The following PALLD variants were observed in gnomAD, a reference collection of about 807,000 sequenced individuals.
PALLD encodes the protein palladin.
PALLD carries 61 observed loss-of-function variants against 123.5 expected under a neutral mutation model. The observed-to-expected ratio is 0.49, with a 90% CI of 0.40 to 0.61. The LOEUF is 0.61. Ranked by LOEUF, PALLD falls within the 20% of genes least tolerant of loss-of-function variation. The pLI, the probability that PALLD is intolerant of heterozygous loss-of-function variation, is 0.00. For synonymous variants in PALLD, 465 were observed against 496.4 expected, an observed-to-expected ratio of 0.94 and a Z score of 0.84; for missense variants, 1,273 against 1,377.0, an observed-to-expected ratio of 0.92 and a Z score of 1.20.
intron 20 of PALLD, 63 bp from the exon 21 acceptor site, chr4:168,925,170 A>C: frequency 6.3e-7 from 1 of 1,584,810 alleles, no homozygotes; most frequent in Non-Finnish European, 8.7e-7. Context: ...CTCTTTATAA[A>C]CAACTATTGT....
At chr4:168,507,261 T>C (rs1962364) in intron 1 of PALLD, 51,772 of 172,082 alleles carry the variant, frequency 0.3, 8,365 homozygotes, top group East Asian at 0.55. Context: ...CCTGTAACCC[T>C]GCCTCTGCAT....
chr4:168,683,818 T>C lies in PALLD; in HGVS notation c.1260+715T>C, dbSNP rs1214777553. ...ATTCCTAAGTAATGAGTATGTCTTA[T>C]AAGTATCACCATGTCCTCCCTCAGC... On this transcript the variant is annotated intron_variant, in intron 5 of 21. Transcript: ENST00000505667. Among the ~76,000 whole-genome samples, 6 of 152,192 alleles carry C rather than the reference T, an allele frequency of 3.9e-5. No individual in the cohort carries two copies. The East Asian group carries it at 9.6e-4, about 24-fold the overall frequency.
At chr4:168,553,484 G>A (rs1356206098) in intron 2 of PALLD, among the ~76,000 whole-genome samples, 1 of 152,184 alleles carries the variant, frequency 6.6e-6, no homozygotes, top group East Asian at 1.9e-4. Context: ...AGTGGATTCA[G>A]AAAAATTAAG....
chr4:168,595,352 C>G (rs1463960189), intron 2 of PALLD, among the ~76,000 whole-genome samples: 1 of 152,138 alleles, frequency 6.6e-6, no homozygotes, highest in Non-Finnish European at 1.5e-5. Flanking sequence ...CAGTGATCTA[C>G]TGAGATCTGT....
chr4:168,501,220 T>C (rs113914607), intron 1 of PALLD, among the ~76,000 whole-genome samples: 2,235 of 152,134 alleles, frequency 0.015, 34 homozygotes, highest in Middle Eastern at 0.051. Context: ...AAGACAATAC[T>C]GGGCAATGAA....
chr4:168,698,355 G>A (rs1006906717), intron 8 of PALLD, among the ~76,000 whole-genome samples: 2 of 151,738 alleles, frequency 1.3e-5, no homozygotes, highest in Admixed American at 1.3e-4. Flanking sequence ...CTATAAGAGT[G>A]TAATTGGATT....
intron 10 of PALLD, among the ~76,000 whole-genome samples, chr4:168,754,017 C>CAAATACTTTAAAAG (rs1731428480): frequency 6.6e-6 from 1 of 152,160 alleles, no homozygotes; most frequent in Admixed American, 6.5e-5. Flanking sequence ...TACAATAATA[C>CAAATACTTTAAAAG]AAATACTTTA....
At chr4:168,659,194 G>A (rs780460249) in intron 2 of PALLD, among the ~76,000 whole-genome samples, 85 of 152,314 alleles carry the variant, frequency 5.6e-4, no homozygotes, top group African/African-American at 1.9e-3. Flanking sequence ...CTTATCTTGG[G>A]CATCACTTTC....
chr4:168,893,878 C>T (rs1305998192), intron 11 of PALLD, among the ~76,000 whole-genome samples: 1 of 152,218 alleles, frequency 6.6e-6, no homozygotes, highest in Non-Finnish European at 1.5e-5. Flanking sequence ...TGGGTCAAGT[C>T]AATTGAGGCT....
chr4:168,559,691 G>T (rs182607356), intron 2 of PALLD, among the ~76,000 whole-genome samples: 1 of 152,142 alleles, frequency 6.6e-6, no homozygotes, highest in Admixed American at 6.5e-5. Flanking sequence ...GAGCCCAGGA[G>T]GTCGAGACAG....
At chr4:168,554,704 A>G (rs1479610499) in intron 2 of PALLD, among the ~76,000 whole-genome samples, 1 of 152,160 alleles carries the variant, frequency 6.6e-6, no homozygotes, top group Non-Finnish European at 1.5e-5. Context: ...ATATAAAGAA[A>G]CCTTTTTATA....
At chr4:168,621,476 C>A (rs1774755358) in intron 2 of PALLD, among the ~76,000 whole-genome samples, 1 of 152,166 alleles carries the variant, frequency 6.6e-6, no homozygotes, top group South Asian at 2.1e-4. Context: ...AGGTGCCCTG[C>A]TCCTATTTTC....
intron 17 of PALLD, among the ~76,000 whole-genome samples, chr4:168,919,490 C>T (rs2126419973): frequency 6.7e-6 from 1 of 150,356 alleles, no homozygotes; most frequent in South Asian, 2.1e-4. Context: ...GTGCCCACTG[C>T]ACTCCAGCCT....
chr4:168,821,739 G>T (rs1203099547), intron 10 of PALLD, among the ~76,000 whole-genome samples: 1 of 151,926 alleles, frequency 6.6e-6, no homozygotes, highest in Non-Finnish European at 1.5e-5. Flanking sequence ...AACTAGCCGG[G>T]CATGGTGGCG....
chr4:168,664,715 C>T (rs975304562), intron 2 of PALLD, among the ~76,000 whole-genome samples: 4 of 150,656 alleles, frequency 2.7e-5, no homozygotes, highest in Non-Finnish European at 5.9e-5. Flanking sequence ...TGTCAAGTCA[C>T]CAGTTCTATG....
At chr4:168,564,374 T>C (rs1305833200) in intron 2 of PALLD, among the ~76,000 whole-genome samples, 2 of 152,228 alleles carry the variant, frequency 1.3e-5, no homozygotes, top group Non-Finnish European at 2.9e-5. Context: ...ATTTTTTCTA[T>C]AAACATATAA....
chr4:168,711,539 G>A (rs1784837690), intron 9 of PALLD, 42 bp from the exon 10 acceptor site: 2 of 1,332,232 alleles, frequency 1.5e-6, no homozygotes, highest in Admixed American at 3.4e-5. Context: ...TGTTGAACTA[G>A]TGGCATCTTC....
intron 10 of PALLD, chr4:168,863,746 T>C (rs755153571): frequency 3.3e-5 from 5 of 152,246 alleles, no homozygotes; most frequent in Admixed American, 6.5e-5. Flanking sequence ...TCCTGTGATA[T>C]ATTTTAAAGA....
At chr4:168,753,117 TGGA>T (rs940700739) in intron 10 of PALLD, among the ~76,000 whole-genome samples, 1 of 152,128 alleles carries the variant, frequency 6.6e-6, no homozygotes, top group African/African-American at 2.4e-5. Flanking sequence ...TGCTTATCCT[TGGA>T]GGAAATATAG....
Sources: allele counts gnomAD v4.1 joint callset (sites outside exome capture counted in the v4.1 genomes callset), GRCh38; gene constraint gnomAD v4.1.1; transcripts MANE v1.5; gene names NCBI Gene and HGNC (gene_info 2026-07-23, HGNC 2026-07-21).